Variants in MTHFD2L observed in about 807,000 individuals in gnomAD.
MTHFD2L encodes the protein bifunctional methylenetetrahydrofolate dehydrogenase/cyclohydrolase 2, mitochondrial.
MTHFD2L carries 29 observed loss-of-function variants against 34.9 expected under a neutral mutation model. The ratio of observed to expected loss-of-function variants is 0.83; its 90% CI spans 0.62 to 1.13. The LOEUF (loss-of-function observed/expected upper bound fraction) is 1.13. Ranked by LOEUF, MTHFD2L falls within the 50% of genes most tolerant of loss-of-function variation. The pLI is 0.00. For synonymous variants in MTHFD2L, 167 were observed against 155.7 expected, an observed-to-expected ratio of 1.07 and a Z score of -0.54; for missense variants, 481 against 446.5, an observed-to-expected ratio of 1.08 and a Z score of -0.70.
rs764537777 is a variant in MTHFD2L, at chr4:74,175,416, C to T, written c.451+13C>T. 36 of 1,594,112 alleles carry T rather than the reference C, an allele frequency of 2.3e-5. No individual in the cohort carries two copies. Among genetic ancestry groups the T allele is most frequent in the Non-Finnish European group, 2.8e-5 (33 of 1,172,706 alleles). Reference sequence around the variant, plus strand: ...TTACCACTACCAGGTACATAATGCTCCTCTTATTTATCTGATTTTGTTAAA... The same window carrying T: ...TTACCACTACCAGGTACATAATGCTTCTCTTATTTATCTGATTTTGTTAAA... On this transcript the variant is annotated intron_variant, in intron 3 of 7. Coordinates refer to ENST00000325278, the MANE Select transcript of MTHFD2L (RefSeq NM_001144978.3).
intron 5 of MTHFD2L, among the ~76,000 whole-genome samples, chr4:74,223,147 A>C (rs1240403628): frequency 2.0e-5 from 3 of 152,084 alleles, no homozygotes; most frequent in South Asian, 2.1e-4. Flanking sequence ...TTGCAGCACT[A>C]TTCACAGTCA....
chr4:74,261,194 G>A (rs1316364713), intron 6 of MTHFD2L, among the ~76,000 whole-genome samples: 1 of 152,048 alleles, frequency 6.6e-6, no homozygotes, highest in African/African-American at 2.4e-5. Context: ...AGGAGACGAG[G>A]TGGTGTTCTT....
chr4:74,177,556 G>T (rs1237164794), intron 3 of MTHFD2L, among the ~76,000 whole-genome samples: 1 of 151,866 alleles, frequency 6.6e-6, no homozygotes, highest in Non-Finnish European at 1.5e-5. Context: ...ACCACAATGA[G>T]ATATCACCTC....
rs199561619 is a variant in MTHFD2L, at chr4:74,267,286, ATTCTTTTCTT to A, written c.806-14122_806-14113del. 81 of 918,618 alleles carry A rather than the reference ATTCTTTTCTT, an allele frequency of 8.8e-5. No homozygotes were observed. In the East Asian group the frequency reaches 1.5e-3, roughly 17 times the overall value. 56.9% of individuals were successfully genotyped at this position (918,618 alleles called of 1,614,324 possible). A position where few individuals can be genotyped will look rare whatever the true frequency, so the allele number is the denominator to read the frequency against. ...GAAATACATTTCTTTTTTCTATTCT[ATTCTTTTCTT>A]TTCTTTTCTTTTCTTTCTTTCTCTT... is the stretch of plus-strand genomic sequence containing the variant. On this transcript the variant is annotated intron_variant, in intron 6 of 7. Coordinates refer to ENST00000325278, the MANE Select transcript of MTHFD2L (RefSeq NM_001144978.3).
chr4:74,254,542 A>G (rs1743741642), intron 6 of MTHFD2L, among the ~76,000 whole-genome samples: 1 of 150,512 alleles, frequency 6.6e-6, no homozygotes, highest in South Asian at 2.1e-4. Flanking sequence ...TATATCAGCA[A>G]AACTGTCCTT....
At chr4:74,126,365 G>T (rs926603288) in intron 1 of MTHFD2L, among the ~76,000 whole-genome samples, 8 of 152,016 alleles carry the variant, frequency 5.3e-5, no homozygotes, top group Admixed American at 3.9e-4. Flanking sequence ...TTAATAAAAA[G>T]AAGATAATTA....
chr4:74,177,608 G>C (rs963120216), intron 3 of MTHFD2L, among the ~76,000 whole-genome samples: 1 of 151,882 alleles, frequency 6.6e-6, no homozygotes, highest in Non-Finnish European at 1.5e-5. Flanking sequence ...TGAGGTAAGT[G>C]TCAAGGATGT....
At chr4:74,156,938 G>A (rs1050464978), upstream of MTHFD2L, 2 of 151,826 alleles carry the variant, frequency 1.3e-5, no homozygotes, top group Admixed American at 6.6e-5. Flanking sequence ...AGAGTTCTTC[G>A]TATATTTTGG....
At chr4:74,124,015 A>T (rs77369766), upstream of MTHFD2L, among the ~76,000 whole-genome samples, 2,815 of 152,220 alleles carry the variant, frequency 0.018, 36 homozygotes, top group Non-Finnish European at 0.026. Context: ...ATCACTATAT[A>T]TACTTATATT....
chr4:74,272,580 C>T (rs1244491835), intron 6 of MTHFD2L, among the ~76,000 whole-genome samples: 2 of 151,706 alleles, frequency 1.3e-5, no homozygotes, highest in African/African-American at 2.4e-5. Context: ...CTGGCTTTAC[C>T]GAGTAACTCC....
chr4:74,224,016 T>C (rs1453407860), intron 5 of MTHFD2L: 1 of 152,128 alleles, frequency 6.6e-6, no homozygotes. Context: ...CATCATTGAA[T>C]GAGTTGGATT....
At chr4:74,199,552 G>T (rs1450114765) in intron 3 of MTHFD2L, among the ~76,000 whole-genome samples, 1 of 151,596 alleles carries the variant, frequency 6.6e-6, no homozygotes, top group Non-Finnish European at 1.5e-5. Flanking sequence ...TTCTTTCACC[G>T]GTCCAGCCAC....
At chr4:74,163,449 G>T (rs1725903688) in intron 1 of MTHFD2L, among the ~76,000 whole-genome samples, 1 of 152,148 alleles carries the variant, frequency 6.6e-6, no homozygotes, top group East Asian at 1.9e-4. Flanking sequence ...GAAAACAATG[G>T]ATATTGTTTA....
intron 3 of MTHFD2L, among the ~76,000 whole-genome samples, chr4:74,186,133 A>C (rs1016102213): frequency 3.3e-5 from 5 of 152,104 alleles, no homozygotes; most frequent in Non-Finnish European, 4.4e-5. Context: ...AAATCATATA[A>C]TCATTTCCAT....
intron 1 of MTHFD2L, among the ~76,000 whole-genome samples, chr4:74,150,048 G>C (rs908964197): frequency 6.6e-6 from 1 of 152,034 alleles, no homozygotes; most frequent in African/African-American, 2.4e-5. Context: ...AGTAAGAGAG[G>C]GATTTCGACA....
chr4:74,149,109 T>A lies in MTHFD2L; in HGVS notation c.-296-10946T>A, dbSNP rs576392981. ...CCTGCAAGGAAGACTTTGCCATGAT[T>A]CCAGCTCTCATTAGATAGTTTTATC... On this transcript the variant is annotated intron_variant, in intron 1 of 7. Coordinates refer to the MTHFD2L transcript ENST00000433372. Among the ~76,000 whole-genome samples, 5 of 151,990 alleles carry A rather than the reference T, an allele frequency of 3.3e-5. 1 individual carries two copies. The South Asian group carries it at 1.0e-3, about 32-fold the overall frequency.
chr4:74,288,713 C>T (rs1198868851), intron 7 of MTHFD2L, among the ~76,000 whole-genome samples: 1 of 152,144 alleles, frequency 6.6e-6, no homozygotes. Context: ...TCACTGAAGA[C>T]ATATCTTGGC....
In MTHFD2L at chr4:74,302,028, T is replaced by C; in HGVS notation, c.*219T>C. The C allele has an allele frequency of 2.7e-6, 1 of 376,850 alleles. No individual in the cohort carries two copies. The highest frequency in any genetic ancestry group is 6.9e-4 in the Middle Eastern group (1 of 1,444). 23.3% of individuals were successfully genotyped at this position (376,850 alleles called of 1,614,324 possible). ...CAACCAAAACAATTCCAATGAAAAT[T>C]TTAGTAACAATTGTTTATTTTGAGG... On this transcript the variant is annotated 3_prime_UTR_variant, in exon 8 of 8. Coordinates refer to ENST00000325278, the MANE Select transcript of MTHFD2L (RefSeq NM_001144978.3).
intron 1 of MTHFD2L, among the ~76,000 whole-genome samples, chr4:74,136,566 G>C (rs1439164320): frequency 1.3e-5 from 2 of 152,036 alleles, no homozygotes; most frequent in African/African-American, 2.4e-5. Flanking sequence ...ACAATTTCCA[G>C]ACTCACTGCA....
Sources: gnomAD v4.1 joint callset for allele counts (sites outside exome capture counted in the v4.1 genomes callset) on GRCh38, gnomAD v4.1.1 for gene constraint, MANE v1.5 for transcripts, NCBI Gene and HGNC (gene_info 2026-07-23, HGNC 2026-07-21) for gene names.